The following FHIP2A variants were observed in gnomAD, a reference collection of about 807,000 sequenced individuals.
FHIP2A encodes the protein family with sequence similarity 160 member B1.
In FHIP2A, 46 loss-of-function variants were observed where a neutral mutation model predicts 93.5. That is an observed-to-expected ratio of 0.49 (90% CI 0.39 to 0.63). FHIP2A has a LOEUF of 0.63. FHIP2A is among the 20% of genes least tolerant of loss of function. The pLI is 0.00. For missense variants in FHIP2A, 769 were observed against 909.7 expected (o/e 0.85, Z 1.99); for synonymous variants, 332 against 326.5 (o/e 1.02, Z -0.18).
At chr10:114,839,897 A>AG (rs1160132788) in intron 5 of FHIP2A, among the ~76,000 whole-genome samples, 1 of 151,664 alleles carries the variant, frequency 6.6e-6, no homozygotes, top group African/African-American at 2.4e-5. Context: ...AAAAAAAAAA[A>AG]AAAAGAAAAG....
At chr10:114,836,686 G>A (rs1485132548) in intron 5 of FHIP2A, among the ~76,000 whole-genome samples, 1 of 152,164 alleles carries the variant, frequency 6.6e-6, no homozygotes, top group Non-Finnish European at 1.5e-5. Flanking sequence ...TGGGATTGCT[G>A]TAGTATTTTG....
At chr10:114,836,778 T>TA (rs1360926691) in intron 5 of FHIP2A, among the ~76,000 whole-genome samples, 1 of 152,366 alleles carries the variant, frequency 6.6e-6, no homozygotes, top group Non-Finnish European at 1.5e-5. Flanking sequence ...AGATTTAAAG[T>TA]AAAAAATATA....
chr10:114,845,522 A>G (rs1244134172), intron 8 of FHIP2A, 41 bp downstream of exon 8: 9 of 1,218,492 alleles, frequency 7.4e-6, no homozygotes, highest in South Asian at 3.9e-5. Context: ...TTTAAGATAT[A>G]AATATCTATT....
intron 5 of FHIP2A, among the ~76,000 whole-genome samples, chr10:114,839,849 T>C (rs2083658162): frequency 7.0e-6 from 1 of 142,664 alleles, no homozygotes; most frequent in South Asian, 2.2e-4. Context: ...GCCACTGCAC[T>C]TCAGCCTGGG....
chr10:114,828,160 T>C (rs1023202479), intron 1 of FHIP2A, among the ~76,000 whole-genome samples: 5 of 152,204 alleles, frequency 3.3e-5, no homozygotes, highest in Non-Finnish European at 7.3e-5. Flanking sequence ...TCTAAGTTAT[T>C]AGCAATTGAG....
downstream of FHIP2A, among the ~76,000 whole-genome samples, chr10:114,867,686 C>T (rs1566381013): frequency 2.0e-5 from 3 of 152,088 alleles, no homozygotes; most frequent in Admixed American, 1.3e-4. Context: ...TCAGAAGCCA[C>T]GTGCCAGATG....
At chr10:114,823,516 A>G (rs940416505) in intron 1 of FHIP2A, among the ~76,000 whole-genome samples, 2 of 151,880 alleles carry the variant, frequency 1.3e-5, no homozygotes, top group Non-Finnish European at 2.9e-5. Flanking sequence ...ATTTTTTGAG[A>G]CCGAATCTCA....
Position 114,822,131 on chromosome 10 carries a change from C to CGCGGGCT in FHIP2A, c.45+15_45+21dup, listed in dbSNP as rs1413814169. On this transcript the variant is annotated intron_variant, in intron 1 of 16. Transcript: ENST00000369248. ...CAGCACGCCGTGGAGGCGGTAAGGC[C>CGCGGGCT]GCGGGCTGCGGGCGCACGGCAGGCC... 1 of 1,318,352 alleles carries CGCGGGCT rather than the reference C, an allele frequency of 7.6e-7. No individual in the cohort carries two copies. 81.7% of individuals were successfully genotyped at this position (1,318,352 alleles called of 1,614,324 possible).
intron 16 of FHIP2A, among the ~76,000 whole-genome samples, chr10:114,890,499 ATATATAG>A (rs1448725841): frequency 1.4e-5 from 2 of 146,500 alleles, no homozygotes; most frequent in Non-Finnish European, 3.0e-5. Flanking sequence ...TATATATGAC[ATATATAG>A]TATATAAAAT....
chr10:114,837,677 AC>A (rs2083643962), intron 5 of FHIP2A, among the ~76,000 whole-genome samples: 2 of 152,052 alleles, frequency 1.3e-5, no homozygotes, highest in South Asian at 2.1e-4. Context: ...CTGTCACACT[AC>A]CCCATGATCC....
chr10:114,881,441 T>C (rs1040507310), intron 16 of FHIP2A, among the ~76,000 whole-genome samples: 11 of 152,130 alleles, frequency 7.2e-5, no homozygotes, highest in African/African-American at 2.7e-4. Flanking sequence ...AGGGCTTCAT[T>C]AGCTGCTTTC....
chr10:114,843,439 G>A (rs7079877), intron 6 of FHIP2A, among the ~76,000 whole-genome samples: 61,826 of 151,298 alleles, frequency 0.41, 13,217 homozygotes, highest in Non-Finnish European at 0.48. Flanking sequence ...CTAGTAGCTG[G>A]GATTACAGGT....
At chr10:114,891,027 A>G (rs772759778) in intron 16 of FHIP2A, among the ~76,000 whole-genome samples, 3 of 151,414 alleles carry the variant, frequency 2.0e-5, no homozygotes, top group South Asian at 4.2e-4. Flanking sequence ...CCCCGTCTCT[A>G]CAAAAAAATT....
At chr10:114,848,543 T>A in intron 12 of FHIP2A, 104 bp from the exon 13 acceptor site, 1 of 669,250 alleles carries the variant, frequency 1.5e-6, no homozygotes, top group Non-Finnish European at 2.6e-6. Flanking sequence ...AAAGTTATTA[T>A]TGAATTATGA....
rs1215926429 is a variant in FHIP2A at position 114,863,005 on chromosome 10, A to G, written c.*1465A>G. On this transcript the variant is annotated 3_prime_UTR_variant, in exon 17 of 17. Coordinates refer to ENST00000369248, the MANE Select transcript of FHIP2A (RefSeq NM_020940.4). ...TGTGTTAGCTTTTCTGGTTTATTTC[A>G]TAGTTTGTTCTTGCTATTTATTAAG... 2.0e-6 allele frequency: 2 copies of G among 985,286 alleles called. No individual in the cohort carries two copies. Among genetic ancestry groups the G allele is most frequent in the Admixed American group, 6.1e-5 (1 of 16,270 alleles). The allele number at this position is 985,286 out of a possible 1,614,324, so 61.0% of individuals were successfully genotyped here. A position where few individuals can be genotyped will look rare whatever the true frequency, so the allele number is the denominator to read the frequency against.
At chr10:114,890,654 C>T (rs764264954) in intron 16 of FHIP2A, among the ~76,000 whole-genome samples, 5 of 143,458 alleles carry the variant, frequency 3.5e-5, no homozygotes, top group Middle Eastern at 3.9e-3. Flanking sequence ...ATGACATATA[C>T]GGTATATAAA....
chr10:114,889,890 A>C (rs1319454541), intron 16 of FHIP2A, among the ~76,000 whole-genome samples: 1 of 152,172 alleles, frequency 6.6e-6, no homozygotes, highest in African/African-American at 2.4e-5. Flanking sequence ...AAGCATCTTC[A>C]GGGCAACTCG....
chr10:114,844,041 C>A, intron 7 of FHIP2A, 104 bp downstream of exon 7: 4 of 830,642 alleles, frequency 4.8e-6, no homozygotes, highest in Non-Finnish European at 7.3e-6. Flanking sequence ...AAAAATTGAA[C>A]ACCACTAGTG....
At chr10:114,845,902 GT>G (rs2083697803) in intron 8 of FHIP2A, 110 bp from the exon 9 acceptor site, 1 of 824,662 alleles carries the variant, frequency 1.2e-6, no homozygotes, top group Non-Finnish European at 1.9e-6. Context: ...CATTAGGCAA[GT>G]TTTGTCTTTC....
Sources: gnomAD v4.1 joint callset for allele counts (sites outside exome capture counted in the v4.1 genomes callset) on GRCh38, gnomAD v4.1.1 for gene constraint, MANE v1.5 for transcripts, NCBI Gene and HGNC (gene_info 2026-07-23, HGNC 2026-07-21) for gene names.